FBXW7: variants seen among roughly 807,000 people sequenced by gnomAD.
FBXW7 encodes F-box/WD repeat-containing protein 7.
In FBXW7, 11 loss-of-function variants were observed where a neutral mutation model predicts 86.3. That is an observed-to-expected ratio of 0.13 (90% CI 0.08 to 0.21). The LOEUF (loss-of-function observed/expected upper bound fraction) is 0.21, where lower values mean the gene tolerates loss of function less well. Among genes scored for constraint, FBXW7 ranks in the 10% least tolerant of loss-of-function variants. FBXW7 has a pLI of 1.00. For missense variants in FBXW7, 488 were observed against 847.4 expected, an observed-to-expected ratio of 0.58 and a Z score of 5.27; for synonymous variants, 313 against 297.9, an observed-to-expected ratio of 1.05 and a Z score of -0.52.
At chr4:152,486,539 A>G (rs992916580) in intron 2 of FBXW7, among the ~76,000 whole-genome samples, 1 of 152,138 alleles carries the variant, frequency 6.6e-6, no homozygotes, top group African/African-American at 2.4e-5. Flanking sequence ...CTAGCCCTAC[A>G]CAGGGTCAGG....
At chr4:152,424,991 T>C (rs1019456216) in intron 2 of FBXW7, among the ~76,000 whole-genome samples, 26 of 152,148 alleles carry the variant, frequency 1.7e-4, no homozygotes, top group Admixed American at 9.8e-4. Flanking sequence ...AGATTCTGAG[T>C]TGGTAAATCT....
intron 2 of FBXW7, among the ~76,000 whole-genome samples, chr4:152,495,433 T>C (rs553465356): frequency 6.6e-6 from 1 of 151,390 alleles, no homozygotes; most frequent in Non-Finnish European, 1.5e-5. Context: ...AGAGTGAAAC[T>C]CAACTCAAAA....
chr4:152,337,852 C>G lies in FBXW7; in HGVS notation c.811G>C (p.Val271Leu), dbSNP rs764074483. The G allele has an allele frequency of 6.2e-7, 1 of 1,612,460 alleles. No individual in the cohort carries two copies. The change falls in exon 7 of 14, where the codon GTG (valine) becomes CTG (leucine). Residue 271 changes from valine (V) to leucine (L), a missense_variant. Val to Leu is a conservative substitution (Grantham distance 32). Coordinates refer to ENST00000281708, the MANE Select transcript of FBXW7 (RefSeq NM_001349798.2). ...TCTCGTTGAAACTGGGGTTCTATCA[C>G]TTGCATCATATGTTTTACTTGTGTT... is the stretch of plus-strand genomic sequence containing the variant. The part of the protein sequence containing the change: ...EPTQVKHMMQ[V>L]IEPQFQRDFI...
intron 2 of FBXW7, among the ~76,000 whole-genome samples, chr4:152,475,490 A>G (rs1744315258): frequency 6.6e-6 from 1 of 152,180 alleles, no homozygotes; most frequent in East Asian, 1.9e-4. Context: ...ATGTGTTTTT[A>G]CCACCTCTAT....
rs932963859 is a variant in FBXW7, at chr4:152,322,703, T to C, written c.*178A>G. 7.6e-6 allele frequency: 8 copies of C among 1,051,224 alleles called. No individual in the cohort carries two copies. The highest frequency in any genetic ancestry group is 1.6e-5 in the African/African-American group (1 of 62,482). The allele number at this position is 1,051,224 out of a possible 1,614,324, so 65.1% of individuals were successfully genotyped here. A position where few individuals can be genotyped will look rare whatever the true frequency, so the allele number is the denominator to read the frequency against. On this transcript the variant is annotated 3_prime_UTR_variant, in exon 14 of 14. Coordinates refer to ENST00000281708, the MANE Select transcript of FBXW7 (RefSeq NM_001349798.2). ...CTCTCTTGTCAGTTATGGTTTGTCA[T>C]CTCTTCTTCTTTTCCTTCTTAGTCT...
chr4:152,396,786 A>G (rs1736452615), intron 4 of FBXW7, among the ~76,000 whole-genome samples: 2 of 152,086 alleles, frequency 1.3e-5, no homozygotes, highest in African/African-American at 4.8e-5. Flanking sequence ...GGTTTTCAGA[A>G]AATGGCAGTG....
At chr4:152,324,553 G>T (rs557491059) in intron 12 of FBXW7, 159 bp from the exon 13 acceptor site, 260 of 605,230 alleles carry the variant, frequency 4.3e-4, no homozygotes, top group Middle Eastern at 8.9e-4. Context: ...TAAAGTGCAT[G>T]CCATCAAGCA....
At chr4:152,404,560 AT>A (rs1317149426) in intron 4 of FBXW7, among the ~76,000 whole-genome samples, 1 of 152,204 alleles carries the variant, frequency 6.6e-6, no homozygotes, top group Non-Finnish European at 1.5e-5. Context: ...TAAATAAAAT[AT>A]TTTTAAGCAT....
At position 152,323,139 on chromosome 4, in the gene FBXW7, C is replaced by T. The variant is rs766010404; in HGVS notation, c.1866G>A (p.Lys622=). 6.8e-6 allele frequency: 11 copies of T among 1,612,770 alleles called. No individual in the cohort carries two copies. The highest frequency in any genetic ancestry group is 9.3e-6 in the Non-Finnish European group (11 of 1,179,134). ...QCLQTLQGPN[K]HQSAVTCLQF... ...GTAAACAGGTCACAGCACTCTGATGCTTGTTGGGACCTAGACAAAAACCAA... is the reference window on the plus strand; with the variant it reads ...GTAAACAGGTCACAGCACTCTGATGTTTGTTGGGACCTAGACAAAAACCAA... The change falls in exon 14 of 14, where the codon AAG becomes AAA. Residue 622 remains lysine (K), a synonymous_variant. Coordinates refer to ENST00000281708, the MANE Select transcript of FBXW7 (RefSeq NM_001349798.2).
intron 4 of FBXW7, among the ~76,000 whole-genome samples, chr4:152,356,044 A>G (rs1481229762): frequency 6.6e-6 from 1 of 152,190 alleles, no homozygotes; most frequent in African/African-American, 2.4e-5. Context: ...ATCTTTACAT[A>G]TAATGTCAAC....
intron 2 of FBXW7, among the ~76,000 whole-genome samples, chr4:152,463,706 G>C (rs1743168317): frequency 6.6e-6 from 1 of 152,328 alleles, no homozygotes; most frequent in South Asian, 2.1e-4. Context: ...CCTGGCGACT[G>C]AGAAAGTGGT....
rs549480069 is a variant in FBXW7 at position 152,361,935 on chromosome 4, C to T, written c.502-11811G>A. Among the ~76,000 whole-genome samples the T allele has an allele frequency of 1.2e-4, 16 of 130,108 alleles. No individual in the cohort carries two copies. In the East Asian group the frequency reaches 1.3e-3, roughly 11 times the overall value. The allele number at this position is 130,108 out of a possible 152,430, so 85.4% of individuals were successfully genotyped here. The stretch of plus-strand genomic sequence containing the variant: ...GAGCCGAGATTGCAACACTGCACTC[C>T]AGCCTGGGAGACAGAGCTAGACTCC... On this transcript the variant is annotated intron_variant, in intron 4 of 13. Transcript: ENST00000281708.
intron 2 of FBXW7, among the ~76,000 whole-genome samples, chr4:152,466,859 G>A (rs188482650): frequency 0.014 from 2,079 of 151,670 alleles, 26 homozygotes; most frequent in Middle Eastern, 0.038. Context: ...GGAGAATGGC[G>A]TGAACCCAGG....
At chr4:152,346,859 T>C in intron 6 of FBXW7, 71 bp downstream of exon 6, 1 of 1,580,918 alleles carries the variant, frequency 6.3e-7, no homozygotes, top group Non-Finnish European at 8.6e-7. Flanking sequence ...CTTCTTTTTT[T>C]ACGGATGAAT....
chr4:152,463,842 A>AC (rs1743179970), intron 2 of FBXW7, among the ~76,000 whole-genome samples: 1 of 152,234 alleles, frequency 6.6e-6, no homozygotes, highest in South Asian at 2.1e-4. Flanking sequence ...CAAAGCTTCA[A>AC]CCCAATTTAT....
At chr4:152,332,575 C>A in intron 8 of FBXW7, 21 bp downstream of exon 8, 2 of 1,551,480 alleles carry the variant, frequency 1.3e-6, no homozygotes, top group South Asian at 2.3e-5. Flanking sequence ...AACATATTCT[C>A]TATGCAATTT....
intron 4 of FBXW7, among the ~76,000 whole-genome samples, chr4:152,385,180 C>T (rs1020199897): frequency 1.3e-5 from 2 of 151,930 alleles, no homozygotes; most frequent in Admixed American, 6.6e-5. Flanking sequence ...ATTAACCCCC[C>T]TGAATTTCTT....
intron 4 of FBXW7, among the ~76,000 whole-genome samples, chr4:152,354,558 C>G (rs1439144782): frequency 6.6e-6 from 1 of 152,136 alleles, no homozygotes; most frequent in Non-Finnish European, 1.5e-5. Context: ...TTGGCTTCAA[C>G]TGAAATCATG....
intron 2 of FBXW7, among the ~76,000 whole-genome samples, chr4:152,474,292 G>GTT (rs1345844804): frequency 6.6e-6 from 1 of 152,228 alleles, no homozygotes; most frequent in Non-Finnish European, 1.5e-5. Flanking sequence ...GACTGCTCAT[G>GTT]AATTCTAACC....
Sources: gnomAD v4.1 joint callset for allele counts (sites outside exome capture counted in the v4.1 genomes callset) on GRCh38, gnomAD v4.1.1 for gene constraint, MANE v1.5 for transcripts, NCBI Gene and HGNC (gene_info 2026-07-23, HGNC 2026-07-21) for gene names.